The following PALM2AKAP2 variants were observed in gnomAD, a reference collection of about 807,000 sequenced individuals.
The protein encoded by PALM2AKAP2 is PALM2 and AKAP2 fusion.
Under a neutral mutation model 71.5 loss-of-function variants are expected in PALM2AKAP2, and 37 were observed. The ratio of observed to expected loss-of-function variants is 0.52; its 90% confidence interval spans 0.40 to 0.68. The LOEUF (loss-of-function observed/expected upper bound fraction) is 0.68, where lower values mean the gene tolerates loss of function less well. PALM2AKAP2 is among the 30% of genes least tolerant of loss of function. The pLI is 0.00. For missense variants in PALM2AKAP2, 1,224 were observed against 1,191.8 expected, an observed-to-expected ratio of 1.03 and a Z score of -0.40; for synonymous variants, 468 against 478.8, an observed-to-expected ratio of 0.98 and a Z score of 0.29.
chr9:109,826,569 C>T (rs917599513), intron 1 of PALM2AKAP2, among the ~76,000 whole-genome samples: 8 of 152,104 alleles, frequency 5.3e-5, no homozygotes, highest in Admixed American at 2.6e-4. Flanking sequence ...CTGTAAAATA[C>T]ATTTTTGATA....
At chr9:110,046,310 T>C (rs576241483), upstream of PALM2AKAP2, among the ~76,000 whole-genome samples, 6 of 152,328 alleles carry the variant, frequency 3.9e-5, no homozygotes, top group African/African-American at 1.4e-4. Flanking sequence ...AATGTTCTTA[T>C]AAATTAATAT....
At chr9:110,162,724 A>T (rs561228244) in intron 3 of PALM2AKAP2, among the ~76,000 whole-genome samples, 2 of 152,296 alleles carry the variant, frequency 1.3e-5, no homozygotes, top group South Asian at 4.2e-4. Context: ...TGTTTAAGAG[A>T]CAAGGTCTTA....
intron 1 of PALM2AKAP2, among the ~76,000 whole-genome samples, chr9:109,866,847 GGACA>G (rs371811617): frequency 4.6e-5 from 7 of 152,036 alleles, no homozygotes; most frequent in African/African-American, 1.2e-4. Context: ...AGTTGGACCC[GGACA>G]GACAGATTCC....
intron 1 of PALM2AKAP2, among the ~76,000 whole-genome samples, chr9:109,658,327 C>T (rs1338636510): frequency 6.6e-6 from 1 of 152,038 alleles, no homozygotes; most frequent in African/African-American, 2.4e-5. Flanking sequence ...AGTTGATAGG[C>T]AGAAGTTTCT....
intron 1 of PALM2AKAP2, among the ~76,000 whole-genome samples, chr9:109,694,448 A>G (rs772034077): frequency 9.9e-5 from 15 of 152,128 alleles, no homozygotes; most frequent in Non-Finnish European, 2.2e-4. Context: ...TATAAAATGT[A>G]ATGTAAAATG....
At chr9:110,103,883 A>T (rs957391998) in intron 1 of PALM2AKAP2, among the ~76,000 whole-genome samples, 1 of 152,176 alleles carries the variant, frequency 6.6e-6, no homozygotes, top group Non-Finnish European at 1.5e-5. Flanking sequence ...AAGATCCTTC[A>T]TATCTATCTG....
At chr9:109,942,380 C>G (rs1284142734) in intron 6 of PALM2AKAP2, among the ~76,000 whole-genome samples, 1 of 152,194 alleles carries the variant, frequency 6.6e-6, no homozygotes, top group African/African-American at 2.4e-5. Flanking sequence ...TGCCAGCCTC[C>G]ATGAAATTCT....
intron 3 of PALM2AKAP2, among the ~76,000 whole-genome samples, chr9:109,916,481 G>T (rs1211801181): frequency 2.0e-5 from 3 of 152,228 alleles, no homozygotes; most frequent in African/African-American, 7.2e-5. Context: ...GAGCTATGAA[G>T]CTGGAGGGCA....
chr9:109,915,137 C>G (rs992363529), intron 3 of PALM2AKAP2, among the ~76,000 whole-genome samples: 1 of 152,176 alleles, frequency 6.6e-6, no homozygotes, highest in Non-Finnish European at 1.5e-5. Flanking sequence ...TTGATCTCTG[C>G]CCTTTCAAGG....
chr9:110,099,904 T>TAGC (rs1834950089), intron 1 of PALM2AKAP2, among the ~76,000 whole-genome samples: 1 of 151,378 alleles, frequency 6.6e-6, no homozygotes, highest in African/African-American at 2.4e-5. Context: ...TCTAGGACTG[T>TAGC]AGCATCTGGG....
At chr9:109,998,757 C>T (rs1432586184) in intron 6 of PALM2AKAP2, among the ~76,000 whole-genome samples, 1 of 139,038 alleles carries the variant, frequency 7.2e-6, no homozygotes, top group African/African-American at 2.8e-5. Flanking sequence ...ACAGCGAGAC[C>T]CTGTCGCAAA....
At chr9:109,999,588 T>C (rs117913994) in intron 6 of PALM2AKAP2, among the ~76,000 whole-genome samples, 2,651 of 152,278 alleles carry the variant, frequency 0.017, 41 homozygotes, top group Non-Finnish European at 0.026. Context: ...CAAAACTTCC[T>C]GCCCAGAACT....
intron 1 of PALM2AKAP2, among the ~76,000 whole-genome samples, chr9:109,737,454 T>C (rs1472238933): frequency 6.6e-6 from 1 of 152,228 alleles, no homozygotes; most frequent in Non-Finnish European, 1.5e-5. Context: ...CTCACTCTGC[T>C]GAGTGTGTAT....
At chr9:109,954,867 A>G (rs1831717705) in intron 6 of PALM2AKAP2, among the ~76,000 whole-genome samples, 1 of 151,994 alleles carries the variant, frequency 6.6e-6, no homozygotes, top group African/African-American at 2.4e-5. Flanking sequence ...TATATTTCCG[A>G]CTTCTCTTGA....
intron 1 of PALM2AKAP2, among the ~76,000 whole-genome samples, chr9:110,077,000 G>T (rs1020243982): frequency 2.6e-5 from 4 of 152,192 alleles, no homozygotes; most frequent in Non-Finnish European, 4.4e-5. Flanking sequence ...ACCGGCGTTT[G>T]TCTCAAACAA....
chr9:110,135,162 A>T (rs1332709731), intron 1 of PALM2AKAP2, among the ~76,000 whole-genome samples: 7 of 48,482 alleles, frequency 1.4e-4, no homozygotes, highest in African/African-American at 5.8e-4. Flanking sequence ...CAAAAAAAAA[A>T]AAATATATAA....
At chr9:109,857,052 T>C (rs1337380493) in intron 1 of PALM2AKAP2, among the ~76,000 whole-genome samples, 1 of 152,164 alleles carries the variant, frequency 6.6e-6, no homozygotes, top group East Asian at 1.9e-4. Flanking sequence ...GTGAGGTCCA[T>C]GCAGTGTCCA....
intron 7 of PALM2AKAP2, chr9:110,025,267 A>C (rs1453486292): frequency 8.7e-7 from 1 of 1,154,620 alleles, no homozygotes; most frequent in African/African-American, 1.5e-5. Context: ...ATAGATTCGC[A>C]TATACGTGGC....
At chr9:109,756,512 T>A (rs2118723537) in intron 1 of PALM2AKAP2, among the ~76,000 whole-genome samples, 1 of 152,320 alleles carries the variant, frequency 6.6e-6, no homozygotes, top group East Asian at 1.9e-4. Context: ...TCATTGGCTT[T>A]TGGCCAATTT....
Sources: allele counts gnomAD v4.1 joint callset (sites outside exome capture counted in the v4.1 genomes callset), GRCh38; gene constraint gnomAD v4.1.1; transcripts MANE v1.5; gene names NCBI Gene and HGNC (gene_info 2026-07-23, HGNC 2026-07-21).